PLXDC2: variants seen among roughly 807,000 people sequenced by gnomAD.
PLXDC2 encodes the protein plexin domain containing 2, also known as plexin domain-containing protein 2.
PLXDC2 carries 40 observed loss-of-function variants against 68.9 expected under a neutral mutation model. That is an observed-to-expected ratio of 0.58 (90% CI 0.45 to 0.76). PLXDC2 has a LOEUF of 0.76. Ranked by LOEUF, PLXDC2 falls within the 30% of genes least tolerant of loss-of-function variation. The pLI, the probability that PLXDC2 is intolerant of heterozygous loss-of-function variation, is 0.00. For missense variants in PLXDC2, 644 were observed against 661.9 expected, an observed-to-expected ratio of 0.97 and a Z score of 0.30; for synonymous variants, 243 against 234.2, an observed-to-expected ratio of 1.04 and a Z score of -0.34.
chr10:19,838,781 A>T lies in PLXDC2; in HGVS notation c.112+21590A>T, dbSNP rs568618236. Among the ~76,000 whole-genome samples the T allele has an allele frequency of 1.8e-3, 274 of 152,312 alleles. 3 individuals carry two copies. Among genetic ancestry groups the T allele is most frequent in the African/African-American group, 6.4e-3 (265 of 41,564 alleles). On this transcript the variant is annotated intron_variant, in intron 1 of 13. Transcript: ENST00000377252. ...GCTAATTTTAACAATGTGCTGGTTG[A>T]TTAGAAAAGTGGTGACACATGCAAA...
intron 1 of PLXDC2, among the ~76,000 whole-genome samples, chr10:19,947,707 C>CTTTTTTTTTTTTTTTTTTTTTTTTTT (rs34439585): frequency 8.3e-6 from 1 of 120,974 alleles, no homozygotes; most frequent in Non-Finnish European, 1.7e-5. Flanking sequence ...TTCTTTCTTT[C>CTTTTTTTTTTTTTTTTTTTTTTTTTT]TTTTTTTTTT....
At chr10:20,042,944 T>C (rs1342978880) in intron 2 of PLXDC2, among the ~76,000 whole-genome samples, 1 of 152,218 alleles carries the variant, frequency 6.6e-6, no homozygotes, top group African/African-American at 2.4e-5. Flanking sequence ...AATTGGCAAC[T>C]AGGCATATCA....
chr10:20,101,820 T>G (rs1209180695), intron 4 of PLXDC2, among the ~76,000 whole-genome samples: 2 of 151,428 alleles, frequency 1.3e-5, no homozygotes, highest in African/African-American at 2.4e-5. Flanking sequence ...GTTTTTGAGA[T>G]AGAATCTCAC....
intron 1 of PLXDC2, among the ~76,000 whole-genome samples, chr10:19,837,890 A>T (rs1836829227): frequency 6.6e-6 from 1 of 152,190 alleles, no homozygotes; most frequent in Non-Finnish European, 1.5e-5. Flanking sequence ...TAACCTGACA[A>T]GATATTAGCA....
chr10:19,836,026 A>C (rs1438218478), intron 1 of PLXDC2, among the ~76,000 whole-genome samples: 1 of 151,780 alleles, frequency 6.6e-6, no homozygotes, highest in Non-Finnish European at 1.5e-5. Context: ...AAAATAAAAA[A>C]ATTAGCAGGA....
chr10:19,867,645 G>T (rs184995657), intron 1 of PLXDC2, among the ~76,000 whole-genome samples: 97 of 152,190 alleles, frequency 6.4e-4, no homozygotes, highest in Non-Finnish European at 1.3e-3. Context: ...CCATGCTTGT[G>T]GGGAGGCGTG....
chr10:20,265,761 C>T (rs1375284858), intron 13 of PLXDC2, among the ~76,000 whole-genome samples: 1 of 152,124 alleles, frequency 6.6e-6, no homozygotes, highest in Non-Finnish European at 1.5e-5. Context: ...AGGGTTGTGA[C>T]TGGAAAGTAG....
At chr10:20,221,424 A>C (rs1047644821) in intron 12 of PLXDC2, among the ~76,000 whole-genome samples, 1 of 152,228 alleles carries the variant, frequency 6.6e-6, no homozygotes, top group African/African-American at 2.4e-5. Context: ...TGCAGCAGGC[A>C]TTCATGAGAA....
At chr10:20,076,180 G>A (rs935903621) in intron 4 of PLXDC2, among the ~76,000 whole-genome samples, 11 of 152,206 alleles carry the variant, frequency 7.2e-5, no homozygotes, top group African/African-American at 2.7e-4. Context: ...GTAAAGGAAA[G>A]AAATAGTAAA....
chr10:19,862,746 A>G (rs1395913013), intron 1 of PLXDC2, among the ~76,000 whole-genome samples: 1 of 152,210 alleles, frequency 6.6e-6, no homozygotes, highest in Non-Finnish European at 1.5e-5. Context: ...TAAATGGTGT[A>G]GGATCTATTT....
At chr10:19,990,995 C>T (rs1406567835) in intron 1 of PLXDC2, among the ~76,000 whole-genome samples, 1 of 152,056 alleles carries the variant, frequency 6.6e-6, no homozygotes, top group South Asian at 2.1e-4. Flanking sequence ...GCCTGTAATC[C>T]CAGCACTTTG....
chr10:20,082,060 AAATC>A (rs1564308509), intron 4 of PLXDC2, among the ~76,000 whole-genome samples: 7 of 135,554 alleles, frequency 5.2e-5, no homozygotes, highest in South Asian at 2.4e-4. Flanking sequence ...AAAAAAAAAA[AAATC>A]AAAAAAAAAA....
At chr10:20,262,095 A>G (rs1339645268) in intron 13 of PLXDC2, among the ~76,000 whole-genome samples, 3 of 152,068 alleles carry the variant, frequency 2.0e-5, no homozygotes, top group African/African-American at 7.2e-5. Flanking sequence ...CAGAGAATGA[A>G]GAAAAGCAAG....
intron 13 of PLXDC2, among the ~76,000 whole-genome samples, chr10:20,273,782 C>T (rs1003742512): frequency 6.6e-6 from 1 of 152,046 alleles, no homozygotes; most frequent in Admixed American, 6.6e-5. Context: ...TTTGGGAGGC[C>T]AAGGCAGGAG....
intron 6 of PLXDC2, among the ~76,000 whole-genome samples, chr10:20,150,958 A>G (rs911761095): frequency 7.2e-5 from 11 of 152,164 alleles, no homozygotes; most frequent in Admixed American, 2.0e-4. Flanking sequence ...TGTTTTCTTG[A>G]TATTCCCAGG....
intron 9 of PLXDC2, among the ~76,000 whole-genome samples, chr10:20,184,783 C>G (rs1350514995): frequency 1.3e-5 from 2 of 151,824 alleles, no homozygotes; most frequent in African/African-American, 4.8e-5. Flanking sequence ...CTATGTGCCC[C>G]TTTAAGTGGG....
chr10:19,817,181 C>G lies in PLXDC2; in HGVS notation c.102C>G (p.Asp34Glu). 1.3e-6 allele frequency: 2 copies of G among 1,568,124 alleles called. No individual in the cohort carries two copies. Among genetic ancestry groups the G allele is most frequent in the Non-Finnish European group, 1.7e-6 (2 of 1,153,632 alleles). The part of the protein sequence containing the change: ...QFQFADGKPG[D>E]QILDWQYGVT... Reference sequence around the variant, plus strand: ...AGTTCGCCGATGGGAAACCCGGAGACCAAATCCTTGGTAAGTAAGATGCAC... The same window carrying G: ...AGTTCGCCGATGGGAAACCCGGAGAGCAAATCCTTGGTAAGTAAGATGCAC... Residue 34 changes from aspartate to glutamate, a missense_variant, in exon 1 of 14, where the codon GAC becomes GAG. This residue lies in a region of PLXDC2 where 201 missense variants were observed against 166.9 expected (regional missense o/e 1.20). Transcript: ENST00000377252.
chr10:19,981,278 T>C (rs1231616983), intron 1 of PLXDC2, among the ~76,000 whole-genome samples: 5 of 152,224 alleles, frequency 3.3e-5, no homozygotes, highest in Admixed American at 3.3e-4. Flanking sequence ...AACAATTTAG[T>C]GTTTGCCTCT....
intron 6 of PLXDC2, among the ~76,000 whole-genome samples, chr10:20,163,005 C>A (rs1044305677): frequency 7.9e-5 from 12 of 151,570 alleles, no homozygotes; most frequent in East Asian, 1.9e-4. Context: ...AGCTTCAACC[C>A]GGGAGGCGGA....
Sources: gnomAD v4.1 joint callset for allele counts (sites outside exome capture counted in the v4.1 genomes callset) on GRCh38, gnomAD v4.1.1 for gene constraint, gnomAD v4.1.1 regional missense constraint, MANE v1.5 for transcripts, NCBI Gene and HGNC (gene_info 2026-07-23, HGNC 2026-07-21) for gene names.